CYP2R1: variants seen among roughly 807,000 people sequenced by gnomAD.
CYP2R1 encodes vitamin D 25-hydroxylase.
A neutral mutation model predicts 45.7 loss-of-function variants in CYP2R1; 40 were observed. The observed-to-expected ratio is 0.87, with a 90% CI of 0.68 to 1.14. The LOEUF is 1.14. Ranked by LOEUF, CYP2R1 falls within the 50% of genes most tolerant of loss-of-function variation. The pLI is 0.00. For synonymous variants in CYP2R1, 234 were observed against 219.3 expected, an observed-to-expected ratio of 1.07 and a Z score of -0.59; for missense variants, 605 against 602.6, an observed-to-expected ratio of 1.00 and a Z score of -0.04.
rs1848226169 is a variant in CYP2R1, at chr11:14,878,171, C to G, written c.1457G>C (p.Gly486Ala). The change falls in exon 5 of 5, where the codon GGC (glycine) becomes GCC (alanine). Residue 486 changes from glycine to alanine, a missense_variant. By Grantham distance (60) the Gly-to-Ala change is moderately conservative (BLOSUM62 0). Coordinates refer to ENST00000334636, the MANE Select transcript of CYP2R1 (RefSeq NM_024514.5). ...ELVPDLKPRL[G>A]MTLQPQPYLI... ...GTAGGGTTGGGGCTGCAATGTCATGCCTAACCTGGGCTTCAGATCTGGAAC... is the reference window on the plus strand; with the variant it reads ...GTAGGGTTGGGGCTGCAATGTCATGGCTAACCTGGGCTTCAGATCTGGAAC... 1 of 1,613,082 alleles carries G rather than the reference C, an allele frequency of 6.2e-7. No individual in the cohort carries two copies. The highest frequency in any genetic ancestry group is 2.2e-5 in the East Asian group (1 of 44,850).
rs1555011523 is a variant in CYP2R1, at chr11:14,880,237, A to C, written c.899T>G (p.Leu300Arg). 1 of 1,612,970 alleles carries C rather than the reference A, an allele frequency of 6.2e-7. No individual in the cohort carries two copies. The highest frequency in any genetic ancestry group is 1.7e-5 in the Admixed American group (1 of 59,816). ...DPSSTFSKEN[L>R]IFSVGELIIA... ...GATGAGTTCACCCACTGAGAAAATT[A>C]GGTTTTCTTTGGAGAAAGTAGATGA... The change falls in exon 3 of 5, where the codon CTA (leucine) becomes CGA (arginine). Residue 300 changes from leucine (L) to arginine (R), a missense_variant. Coordinates refer to ENST00000334636, the MANE Select transcript of CYP2R1 (RefSeq NM_024514.5).
intron 1 of CYP2R1, chr11:14,890,750 G>A (rs376977775): frequency 1.7e-5 from 9 of 533,830 alleles, no homozygotes; most frequent in African/African-American, 6.2e-5. Context: ...GGGTTTCACC[G>A]TGTTAGCCAC....
intron 1 of CYP2R1, chr11:14,890,616 G>GGCTCACTGAAA (rs1848808808): frequency 4.9e-6 from 1 of 202,346 alleles, no homozygotes; most frequent in Non-Finnish European, 7.5e-6. Context: ...GCGCGATCTC[G>GGCTCACTGAAA]GCTCACTGAA....
intron 2 of CYP2R1, 115 bp from the exon 3 acceptor site, chr11:14,880,883 A>G (rs1225980851): frequency 6.3e-6 from 6 of 953,404 alleles, no homozygotes; most frequent in Non-Finnish European, 9.2e-6. Context: ...TTGTCCTCCT[A>G]TATAACTACA....
At chr11:14,883,996 A>G (rs1555013395) in intron 2 of CYP2R1, among the ~76,000 whole-genome samples, 1 of 152,080 alleles carries the variant, frequency 6.6e-6, no homozygotes, top group East Asian at 2.0e-4. Context: ...ATCTCACACC[A>G]GTTAGAATGG....
intron 4 of CYP2R1, 122 bp from the exon 5 acceptor site, chr11:14,878,419 T>C (rs1196029954): frequency 1.1e-6 from 1 of 940,154 alleles, no homozygotes; most frequent in Non-Finnish European, 1.6e-6. Context: ...GGAACTATGT[T>C]TATTAAAGGA....
rs1555013782 is a variant in CYP2R1, at chr11:14,884,748, A to G, written c.367+1028T>C. On this transcript the variant is annotated intron_variant, in intron 2 of 4. Coordinates refer to ENST00000334636, the MANE Select transcript of CYP2R1 (RefSeq NM_024514.5). ...ACACATAATTTTCTACCTGGTTTTT[A>G]AAAATCTTAAGTTGAATGCTTTATG... Among the ~76,000 whole-genome samples the G allele has an allele frequency of 2.0e-5, 3 of 152,216 alleles. No homozygotes were observed. The East Asian group carries it at 5.8e-4, about 29-fold the overall frequency.
chr11:14,887,682 C>G, intron 1 of CYP2R1: 1 of 981,224 alleles, frequency 1.0e-6, no homozygotes, highest in Non-Finnish European at 1.2e-6. Flanking sequence ...CAAACCAGCC[C>G]TACTCATAAT....
chr11:14,885,632 G>A lies in CYP2R1; in HGVS notation c.367+144C>T, dbSNP rs756231680. ...AATATGCGTGTAGTACAGCCTGAAAGGTCCTCAAATACTAGGTTCTGTAAA... is the reference window on the plus strand; with the variant it reads ...AATATGCGTGTAGTACAGCCTGAAAAGTCCTCAAATACTAGGTTCTGTAAA... On this transcript the variant is annotated intron_variant, in intron 2 of 4. Transcript: ENST00000334636. 6.1e-6 allele frequency: 5 copies of A among 821,136 alleles called. No individual in the cohort carries two copies. The South Asian group carries it at 8.3e-5, about 14-fold the overall frequency. The allele number at this position is 821,136 out of a possible 1,614,324, so 50.9% of individuals were successfully genotyped here.
At chr11:14,880,064 G>A in intron 3 of CYP2R1, 72 bp downstream of exon 3, 2 of 1,512,822 alleles carry the variant, frequency 1.3e-6, no homozygotes, top group Middle Eastern at 3.4e-4. Context: ...TATTGTGCAT[G>A]GCCAAGACTC....
At chr11:14,891,545 T>C (rs1848856024) in intron 1 of CYP2R1, 6 of 1,023,422 alleles carry the variant, frequency 5.9e-6, no homozygotes, top group African/African-American at 1.7e-5. Context: ...ATTAACCATC[T>C]AGAACTCAGA....
intron 3 of CYP2R1, 36 bp downstream of exon 3, chr11:14,880,099 TA>T: frequency 1.9e-6 from 3 of 1,609,568 alleles, no homozygotes; most frequent in Non-Finnish European, 2.5e-6. Context: ...ACCCTACATG[TA>T]AGGATAGACC....
chr11:14,891,615 A>G, intron 1 of CYP2R1: 1 of 1,068,800 alleles, frequency 9.4e-7, no homozygotes, highest in Middle Eastern at 4.4e-4. Flanking sequence ...GCCGACTCGC[A>G]AGACGCCCGC....
At chr11:14,886,197 T>C in intron 1 of CYP2R1, 1 of 420,654 alleles carries the variant, frequency 2.4e-6, no homozygotes, top group Non-Finnish European at 4.4e-6. Context: ...TAGTTTAAGG[T>C]TTGCCATTAA....
intron 4 of CYP2R1, 103 bp from the exon 5 acceptor site, chr11:14,878,400 A>C (rs1848239501): frequency 2.7e-6 from 3 of 1,093,688 alleles, no homozygotes; most frequent in South Asian, 2.9e-5. Context: ...AATTTAAACA[A>C]AGAAAGAGGG....
chr11:14,885,691 C>T, intron 2 of CYP2R1, 85 bp downstream of exon 2: 1 of 1,399,500 alleles, frequency 7.1e-7, no homozygotes, highest in Non-Finnish European at 1.0e-6. Flanking sequence ...ATAAAATAAT[C>T]CCAACTGTAT....
At chr11:14,883,260 A>G (rs1555013029) in intron 2 of CYP2R1, among the ~76,000 whole-genome samples, 2 of 151,898 alleles carry the variant, frequency 1.3e-5, no homozygotes, top group Admixed American at 6.5e-5. Context: ...AGCTGGAGGC[A>G]TCACGCTACC....
intron 1 of CYP2R1, chr11:14,891,272 G>A (rs1287243831): frequency 1.0e-6 from 1 of 985,100 alleles, no homozygotes; most frequent in Non-Finnish European, 1.2e-6. Flanking sequence ...AGTTTTAAAT[G>A]AGTCACCAAG....
chr11:14,881,445 A>G (rs556694590), intron 2 of CYP2R1, among the ~76,000 whole-genome samples: 89 of 152,248 alleles, frequency 5.8e-4, no homozygotes, highest in Non-Finnish European at 7.2e-4. Flanking sequence ...AATTAATTCA[A>G]CATCTTCAGT....
Sources: allele counts gnomAD v4.1 joint callset (sites outside exome capture counted in the v4.1 genomes callset), GRCh38; gene constraint gnomAD v4.1.1; transcripts MANE v1.5; gene names NCBI Gene and HGNC (gene_info 2026-07-23, HGNC 2026-07-21).